The following ZAN variants were observed in gnomAD, a reference collection of about 807,000 sequenced individuals.
ZAN encodes zonadhesin, also known as zonadhesin (gene/pseudogene).
A neutral mutation model predicts 286.2 loss-of-function variants in ZAN; 260 were observed. The observed-to-expected ratio is 0.91, with a 90% CI of 0.82 to 1.01. The LOEUF (loss-of-function observed/expected upper bound fraction) is 1.01. ZAN is among the 50% of genes least tolerant of loss of function. The pLI, the probability that ZAN is intolerant of heterozygous loss-of-function variation, is 0.00. For synonymous variants in ZAN, 1,368 were observed against 1,417.5 expected, an observed-to-expected ratio of 0.97 and a Z score of 0.79; for missense variants, 3,410 against 3,639.2, an observed-to-expected ratio of 0.94 and a Z score of 1.62.
chr7:100,747,736 T>A, intron 9 of ZAN, 95 bp downstream of exon 9: 1 of 1,233,006 alleles, frequency 8.1e-7, no homozygotes, highest in Non-Finnish European at 1.2e-6. Context: ...CATGCCTGTA[T>A]TCCCAATACT....
At chr7:100,745,678 G>A (rs1808166516) in intron 7 of ZAN, among the ~76,000 whole-genome samples, 1 of 151,782 alleles carries the variant, frequency 6.6e-6, no homozygotes, top group Admixed American at 6.6e-5. Context: ...TTGAGGCCAG[G>A]AGTTCAAGAC....
In ZAN at chr7:100,737,069, C is replaced by A; in HGVS notation, c.514C>A (p.Leu172Met). The A allele has an allele frequency of 1.3e-6, 2 of 1,495,190 alleles. No individual in the cohort carries two copies. Among genetic ancestry groups the A allele is most frequent in the Non-Finnish European group, 1.8e-6 (2 of 1,093,740 alleles). The allele number at this position is 1,495,190 out of a possible 1,614,324, so 92.6% of individuals were successfully genotyped here. A position where few individuals can be genotyped will look rare whatever the true frequency, so the allele number is the denominator to read the frequency against. The change falls in exon 5 of 48, where the codon CTG (leucine) becomes ATG (methionine). Residue 172 changes from leucine (L) to methionine (M), a missense_variant. By Grantham distance (15) the Leu-to-Met change is conservative (BLOSUM62 2). Transcript: ENST00000613979. ...TTVTVPAGFT[L>M]PTRLMFEGTR... ...CGTCACTGTGCCCGCAGGGTTCACC[C>A]TGCCCACCCGGGTAAGGCCGGGGAC...
chr7:100,795,497 G>A (rs887595065), intron 45 of ZAN, among the ~76,000 whole-genome samples, 161 bp downstream of exon 45: 1 of 149,004 alleles, frequency 6.7e-6, no homozygotes, highest in Admixed American at 6.8e-5. Context: ...TAGCTATAAT[G>A]GATATTAATA....
intron 15 of ZAN, among the ~76,000 whole-genome samples, chr7:100,756,679 G>T (rs970049359): frequency 1.3e-5 from 2 of 151,858 alleles, no homozygotes; most frequent in Admixed American, 6.6e-5. Context: ...TCTGCCCTAG[G>T]AGGCATGTAT....
chr7:100,779,388 A>T, intron 34 of ZAN, 58 bp from the exon 35 acceptor site: 1 of 1,499,116 alleles, frequency 6.7e-7, no homozygotes, highest in Non-Finnish European at 8.9e-7. Context: ...AAGAAAAAAA[A>T]ATTTTGTGTC....
chr7:100,773,778 CACA>C lies in ZAN; in HGVS notation c.5699_5701del (p.Asn1900del), dbSNP rs781681980. ...CACCAGGCTCTGCACCTGCTCCGTC[CACA>C]ACAACATCACCTGCTTCCAGAGCAC... On this transcript the variant is annotated inframe_deletion, in exon 31 of 48. Coordinates refer to ENST00000613979, the MANE Select transcript of ZAN (RefSeq NM_003386.3). 2.1e-5 allele frequency: 34 copies of C among 1,612,394 alleles called. No individual in the cohort carries two copies. The highest frequency in any genetic ancestry group is 2.0e-4 in the East Asian group (9 of 44,844).
Position 100,785,974 on chromosome 7 carries a change from TTCTC to T in ZAN, c.6835-21_6835-18del, listed in dbSNP as rs762683757. ...GCGCCCAGCCCCCTCCTCACTCTCTTTCTCTTCCTGTAACTTCTACAGCTGGGCA... is the reference window on the plus strand; with the variant it reads ...GCGCCCAGCCCCCTCCTCACTCTCTTTTCCTGTAACTTCTACAGCTGGGCA... On this transcript the variant is annotated intron_variant, in intron 36 of 47. Transcript: ENST00000613979. The T allele has an allele frequency of 6.2e-7, 1 of 1,606,968 alleles. No homozygotes were observed. The highest frequency in any genetic ancestry group is 2.2e-5 in the East Asian group (1 of 44,678).
At chr7:100,791,596 A>G (rs1264798059) in intron 40 of ZAN, among the ~76,000 whole-genome samples, 1 of 151,958 alleles carries the variant, frequency 6.6e-6, no homozygotes, top group Non-Finnish European at 1.5e-5. Flanking sequence ...TAGTAGAGAC[A>G]GGGTTTCACC....
intron 22 of ZAN, 144 bp from the exon 23 acceptor site, chr7:100,765,208 G>C: frequency 2.1e-6 from 2 of 967,502 alleles, no homozygotes; most frequent in Non-Finnish European, 3.0e-6. Context: ...CAGGCTCCTT[G>C]GGGAAGCTTC....
chr7:100,768,956 G>T (rs1170828136), intron 27 of ZAN, among the ~76,000 whole-genome samples: 1 of 152,124 alleles, frequency 6.6e-6, no homozygotes, highest in Non-Finnish European at 1.5e-5. Flanking sequence ...GATCTCTTTG[G>T]AGGGCCCACT....
chr7:100,783,727 C>A (rs1811337578), intron 35 of ZAN, among the ~76,000 whole-genome samples: 1 of 71,562 alleles, frequency 1.4e-5, no homozygotes, highest in South Asian at 4.8e-4. Context: ...CCCTGCCCGT[C>A]CCCCGCAAAA....
Position 100,773,824 on chromosome 7 carries a change from TA to T in ZAN, c.5739del (p.Cys1914AlafsTer27). 6.2e-7 allele frequency: 1 copy of T among 1,606,122 alleles called. No individual in the cohort carries two copies. ...CAGAGCACCTGCAAACCCAACCAGA[TA>T]TGCTGGGCCCTGGATGGGCTGCTCC... ...CFQSTCKPNQ[I>X]CWALDGLLHC... is the part of the protein sequence containing the mutation. On this transcript the variant is annotated frameshift_variant, in exon 31 of 48. Transcript: ENST00000613979. LOFTEE classifies it high-confidence loss of function.
In ZAN at chr7:100,744,893, G is replaced by A. The variant is rs192667970; in HGVS notation, c.767-1645G>A. ...GGTTTTTTTTTTGTTGTTGTTGTTT[G>A]TTTGTTTTTTGAGACAGTCTCGCTC... On this transcript the variant is annotated intron_variant, in intron 7 of 47. Coordinates refer to ENST00000613979, the MANE Select transcript of ZAN (RefSeq NM_003386.3). Among the ~76,000 whole-genome samples, 38 of 141,588 alleles carry A rather than the reference G, an allele frequency of 2.7e-4. 1 individual carries two copies. The highest frequency in any genetic ancestry group is 1.0e-3 in the African/African-American group (37 of 36,978). The allele number at this position is 141,588 out of a possible 152,430, so 92.9% of individuals were successfully genotyped here. A position where few individuals can be genotyped will look rare whatever the true frequency, so the allele number is the denominator to read the frequency against.
chr7:100,777,548 G>C (rs189847608), intron 34 of ZAN, among the ~76,000 whole-genome samples: 1 of 152,018 alleles, frequency 6.6e-6, no homozygotes, highest in Admixed American at 6.6e-5. Flanking sequence ...TTTAGGTAGA[G>C]ACGGAGTTTC....
chr7:100,772,455 A>C (rs1029847396), intron 29 of ZAN, among the ~76,000 whole-genome samples: 2 of 151,490 alleles, frequency 1.3e-5, no homozygotes, highest in Non-Finnish European at 2.9e-5. Context: ...AACAAAACAA[A>C]AAGTTCTGGC....
At chr7:100,740,241 T>C (rs1807638835) in intron 7 of ZAN, among the ~76,000 whole-genome samples, 1 of 139,772 alleles carries the variant, frequency 7.2e-6, no homozygotes, top group South Asian at 2.2e-4. Context: ...CTATTCTGTG[T>C]GAATGGGGAG....
intron 31 of ZAN, 44 bp from the exon 32 acceptor site, chr7:100,775,284 T>C (rs1334710316): frequency 6.3e-7 from 1 of 1,598,770 alleles, no homozygotes. Flanking sequence ...ACCCTGTACC[T>C]GCCAGAGGAG....
rs749256348 is a variant in ZAN at position 100,736,803 on chromosome 7, C to T, written c.254-6C>T. ...GCCTCAGTGTCTTGGGCTCTGCCTCCCCCAGAGGGCAGCTATCTGCATATG... is the reference window on the plus strand; with the variant it reads ...GCCTCAGTGTCTTGGGCTCTGCCTCTCCCAGAGGGCAGCTATCTGCATATG... On this transcript the variant is annotated splice_region_variant and splice_polypyrimidine_tract_variant and intron_variant, in intron 4 of 47. Transcript: ENST00000613979. 6.1e-6 allele frequency: 9 copies of T among 1,469,014 alleles called. No homozygotes were observed. The highest frequency in any genetic ancestry group is 8.3e-6 in the Non-Finnish European group (9 of 1,080,564). The allele number at this position is 1,469,014 out of a possible 1,614,324, so 91.0% of individuals were successfully genotyped here. A position where few individuals can be genotyped will look rare whatever the true frequency, so the allele number is the denominator to read the frequency against.
In ZAN at chr7:100,767,165, C is replaced by T. The variant is rs570768985; in HGVS notation, c.4768C>T (p.Arg1590Cys). ...YFVVSATNENRGGILEVSYIK... is the reference protein window; with the variant it reads ...YFVVSATNENCGGILEVSYIK... ...TGTTGTGAGCGCCACCAACGAGAAC[C>T]GCGGGGGGATCCTGGAGGTCTCCTA... Residue 1590 changes from arginine to cysteine, a missense_variant, in exon 25 of 48, where the codon CGC (arginine) becomes TGC (cysteine). Transcript: ENST00000613979. 126 of 1,613,864 alleles carry T rather than the reference C, an allele frequency of 7.8e-5. No homozygotes were observed. In the East Asian group the frequency reaches 2.3e-3, roughly 30 times the overall value.
Sources: allele counts gnomAD v4.1 joint callset (sites outside exome capture counted in the v4.1 genomes callset), GRCh38; gene constraint gnomAD v4.1.1; transcripts MANE v1.5; gene names NCBI Gene and HGNC (gene_info 2026-07-23, HGNC 2026-07-21).